Variants in MORF4L1 observed in about 807,000 individuals in gnomAD.
The protein encoded by MORF4L1 is mortality factor 4 like 1.
MORF4L1 carries 4 observed loss-of-function variants against 52.9 expected under a neutral mutation model. The ratio of observed to expected loss-of-function variants is 0.08; its 90% CI spans 0.04 to 0.17. The LOEUF (loss-of-function observed/expected upper bound fraction) is 0.17. Ranked by LOEUF, MORF4L1 falls within the 10% of genes least tolerant of loss-of-function variation. The probability of loss-of-function intolerance (pLI) is 1.00; values close to 1 mark genes in which losing one functional copy is unlikely to be tolerated. For missense variants in MORF4L1, 214 were observed against 390.4 expected, an observed-to-expected ratio of 0.55 and a Z score of 3.81; for synonymous variants, 123 against 134.8, an observed-to-expected ratio of 0.91 and a Z score of 0.61.
intron 3 of MORF4L1, 46 bp downstream of exon 3, chr15:78,880,625 T>C: frequency 7.2e-7 from 1 of 1,394,418 alleles, no homozygotes; most frequent in East Asian, 2.3e-5. Context: ...ACAAGATAGC[T>C]TGTGTCACTG....
Position 78,898,092 on chromosome 15 carries a change from T to A in MORF4L1, c.*1025T>A, listed in dbSNP as rs2056918930. 1 of 152,164 alleles carries A rather than the reference T, an allele frequency of 6.6e-6. No individual in the cohort carries two copies. Among genetic ancestry groups the A allele is most frequent in the Non-Finnish European group, 1.5e-5 (1 of 68,038 alleles). The allele number at this position is 152,164 out of a possible 1,614,324, so 9.4% of individuals were successfully genotyped here. A position where few individuals can be genotyped will look rare whatever the true frequency, so the allele number is the denominator to read the frequency against. ...ACTCTAGAAACATGAGCCAAAAATG[T>A]CAATAGACAACACAGTATTAAAATA... On this transcript the variant is annotated 3_prime_UTR_variant, in exon 12 of 12. Coordinates refer to ENST00000426013, the MANE Select transcript of MORF4L1 (RefSeq NM_006791.4).
intron 4 of MORF4L1, among the ~76,000 whole-genome samples, chr15:78,886,868 T>C (rs1007772657): frequency 1.5e-4 from 22 of 149,626 alleles, no homozygotes; most frequent in Admixed American, 6.7e-5. Flanking sequence ...GGCAGGAGAA[T>C]GGCGTGAACC....
At chr15:78,892,502 CAT>C (rs1391394538) in intron 8 of MORF4L1, 189 bp downstream of exon 8, 8 of 459,298 alleles carry the variant, frequency 1.7e-5, no homozygotes, top group Non-Finnish European at 3.1e-5. Context: ...TAAAAGTTCA[CAT>C]ATAAATTTTA....
chr15:78,876,244 G>A (rs563326802), intron 1 of MORF4L1, among the ~76,000 whole-genome samples: 13 of 151,812 alleles, frequency 8.6e-5, no homozygotes, highest in African/African-American at 3.1e-4. Flanking sequence ...CCGAGAAATA[G>A]GGTTTTTAAT....
intron 10 of MORF4L1, 82 bp from the exon 11 acceptor site, chr15:78,894,738 T>A (rs1242631501): frequency 1.9e-6 from 2 of 1,036,044 alleles, no homozygotes; most frequent in Non-Finnish European, 3.0e-6. Context: ...GAATTGGTGG[T>A]GTTTGCTCAC....
At chr15:78,883,280 G>A (rs560299173) in intron 3 of MORF4L1, among the ~76,000 whole-genome samples, 1 of 150,132 alleles carries the variant, frequency 6.7e-6, no homozygotes, top group East Asian at 1.9e-4. Flanking sequence ...ATAGAATAAA[G>A]AAGATATTTT....
intron 3 of MORF4L1, 58 bp downstream of exon 3, chr15:78,880,637 CTG>C: frequency 3.1e-6 from 4 of 1,306,986 alleles, no homozygotes; most frequent in Non-Finnish European, 4.3e-6. Context: ...GTGTCACTGA[CTG>C]GCTTAGCAAG....
intron 8 of MORF4L1, 22 bp from the exon 9 acceptor site, chr15:78,893,517 A>G (rs1230674119): frequency 6.6e-7 from 1 of 1,505,736 alleles, no homozygotes; most frequent in East Asian, 2.3e-5. Flanking sequence ...GCTTATATTT[A>G]AGCATATTTT....
intron 5 of MORF4L1, among the ~76,000 whole-genome samples, chr15:78,890,091 G>A (rs1364637290): frequency 6.6e-6 from 1 of 152,056 alleles, no homozygotes; most frequent in African/African-American, 2.4e-5. Flanking sequence ...GTGGTGGTGG[G>A]TGCCTATGGT....
intron 7 of MORF4L1, 121 bp downstream of exon 7, chr15:78,891,693 A>G: frequency 1.3e-6 from 1 of 754,956 alleles, no homozygotes; most frequent in Non-Finnish European, 2.1e-6. Flanking sequence ...CTGAAATTAA[A>G]AATTTTCTCT....
At position 78,893,614 on chromosome 15, in the gene MORF4L1, A is replaced by G; in HGVS notation, c.616A>G (p.Asn206Asp). The G allele has an allele frequency of 1.9e-6, 3 of 1,581,744 alleles. No individual in the cohort carries two copies. Among genetic ancestry groups the G allele is most frequent in the Non-Finnish European group, 2.6e-6 (3 of 1,153,890 alleles). The part of the protein sequence containing the change: ...DYANYKKSRG[N>D]TDNKEYAVNE... ...TGCAAATTACAAGAAATCTCGTGGA[A>G]ACACAGATAATAAGTAAGAATATAC... Residue 206 changes from asparagine (N) to aspartate (D), a missense_variant, in exon 9 of 12, where the codon AAC becomes GAC. This residue lies in a region of MORF4L1 where 68 missense variants were observed against 171.6 expected (regional missense o/e 0.40). Coordinates refer to ENST00000426013, the MANE Select transcript of MORF4L1 (RefSeq NM_006791.4).
At chr15:78,874,958 T>G (rs2056457691) in intron 1 of MORF4L1, among the ~76,000 whole-genome samples, 1 of 152,008 alleles carries the variant, frequency 6.6e-6, no homozygotes, top group African/African-American at 2.4e-5. Context: ...ACCACCACAT[T>G]AGCATTTTCA....
intron 1 of MORF4L1, among the ~76,000 whole-genome samples, chr15:78,874,239 C>G (rs567819287): frequency 1.3e-5 from 2 of 152,298 alleles, no homozygotes; most frequent in South Asian, 2.1e-4. Context: ...TGTCTACATG[C>G]GTACGATTTT....
intron 8 of MORF4L1, 77 bp from the exon 9 acceptor site, chr15:78,893,462 T>C (rs913585082): frequency 1.1e-6 from 1 of 929,732 alleles, no homozygotes; most frequent in Admixed American, 1.8e-5. Flanking sequence ...ACCTGATCTT[T>C]GTATAAAAAC....
chr15:78,889,010 A>G (rs2056754068), intron 5 of MORF4L1, among the ~76,000 whole-genome samples: 1 of 152,364 alleles, frequency 6.6e-6, no homozygotes, highest in Non-Finnish European at 1.5e-5. Flanking sequence ...GTAATAGTTC[A>G]TAACTAATTC....
At chr15:78,881,835 C>G (rs1007625539) in intron 3 of MORF4L1, among the ~76,000 whole-genome samples, 21 of 152,292 alleles carry the variant, frequency 1.4e-4, no homozygotes, top group African/African-American at 5.1e-4. Context: ...TCACCTGACT[C>G]AGGCTCTTTT....
At chr15:78,875,672 G>A (rs1176022950) in intron 1 of MORF4L1, among the ~76,000 whole-genome samples, 2 of 151,686 alleles carry the variant, frequency 1.3e-5, no homozygotes, top group African/African-American at 4.8e-5. Flanking sequence ...CTGTAATCCC[G>A]GCTACTCGGG....
chr15:78,878,185 C>G (rs768322270), intron 1 of MORF4L1, 28 bp from the exon 2 acceptor site: 1 of 1,597,936 alleles, frequency 6.3e-7, no homozygotes, highest in Non-Finnish European at 8.5e-7. Flanking sequence ...GAAGAAATTA[C>G]AATTCAGTAC....
Position 78,894,192 on chromosome 15 carries a change from C to G in MORF4L1, c.764C>G (p.Ser255Cys), listed in dbSNP as rs770431790. The G allele has an allele frequency of 2.5e-6, 4 of 1,613,708 alleles. No homozygotes were observed. Among genetic ancestry groups the G allele is most frequent in the Non-Finnish European group, 3.4e-6 (4 of 1,179,864 alleles). Residue 255 changes from serine (S) to cysteine (C), a missense_variant, in exon 10 of 12, where the codon TCC (serine) becomes TGC (cysteine). Physicochemically the swap from Ser to Cys is moderately radical, Grantham distance 112. Coordinates refer to ENST00000426013, the MANE Select transcript of MORF4L1 (RefSeq NM_006791.4). Reference protein sequence around the residue: ...ILADHPDAPMSQVYGAPHLLR... With the variant: ...ILADHPDAPMCQVYGAPHLLR... ...GCAGATCATCCCGATGCACCCATGT[C>G]CCAGGTGTATGGAGCGCCACATCTC... is the stretch of plus-strand genomic sequence containing the variant.
Sources: allele counts gnomAD v4.1 joint callset (sites outside exome capture counted in the v4.1 genomes callset), GRCh38; gene constraint gnomAD v4.1.1; regional missense constraint gnomAD v4.1.1; transcripts MANE v1.5; gene names NCBI Gene and HGNC (gene_info 2026-07-23, HGNC 2026-07-21).